Variants in TDRD7 observed in about 807,000 individuals in gnomAD.
The protein encoded by TDRD7 is tudor domain-containing protein 7.
Under a neutral mutation model 109.8 loss-of-function variants are expected in TDRD7, and 47 were observed. The observed-to-expected ratio is 0.43, with a 90% CI of 0.34 to 0.55. The LOEUF (loss-of-function observed/expected upper bound fraction) is 0.55, where lower values mean the gene tolerates loss of function less well. Among genes scored for constraint, TDRD7 ranks in the 20% least tolerant of loss-of-function variants. The pLI is 0.03. For missense variants in TDRD7, 1,164 were observed against 1,319.2 expected, an observed-to-expected ratio of 0.88 and a Z score of 1.82; for synonymous variants, 424 against 457.3, an observed-to-expected ratio of 0.93 and a Z score of 0.93.
chr9:97,461,104 G>A (rs994007685), intron 7 of TDRD7, among the ~76,000 whole-genome samples: 2 of 150,848 alleles, frequency 1.3e-5, no homozygotes, highest in Non-Finnish European at 2.9e-5. Context: ...TTGTGCCACT[G>A]CACTCCAGCC....
intron 5 of TDRD7, among the ~76,000 whole-genome samples, chr9:97,439,610 T>A (rs1207295470): frequency 6.6e-6 from 1 of 152,162 alleles, no homozygotes; most frequent in African/African-American, 2.4e-5. Context: ...CTCTCACCTC[T>A]TAGGGGGTGC....
At chr9:97,424,313 C>A (rs1384736296) in intron 1 of TDRD7, among the ~76,000 whole-genome samples, 1 of 152,056 alleles carries the variant, frequency 6.6e-6, no homozygotes, top group Non-Finnish European at 1.5e-5. Context: ...ACCTCGGCCT[C>A]CCAAAGTGCT....
At position 97,480,810 on chromosome 9, in the gene TDRD7, A is replaced by G. The variant is rs761342799; in HGVS notation, c.2302-18A>G. 8 of 1,598,162 alleles carry G rather than the reference A, an allele frequency of 5.0e-6. No homozygotes were observed. The highest frequency in any genetic ancestry group is 6.9e-6 in the Non-Finnish European group (8 of 1,165,466). On this transcript the variant is annotated intron_variant, in intron 13 of 16. Transcript: ENST00000355295. ...TTTAACATGGTGTGTTCACTTTTCCATCATATTTTCTTTTCAGGCCATTAA... is the reference window on the plus strand; with the variant it reads ...TTTAACATGGTGTGTTCACTTTTCCGTCATATTTTCTTTTCAGGCCATTAA...
At chr9:97,424,134 A>G (rs112412849) in intron 1 of TDRD7, among the ~76,000 whole-genome samples, 6 of 136,798 alleles carry the variant, frequency 4.4e-5, no homozygotes, top group African/African-American at 1.7e-4. Flanking sequence ...GCTCACTGCA[A>G]CCTCCACCGC....
chr9:97,465,481 C>T (rs1828808465), intron 8 of TDRD7, among the ~76,000 whole-genome samples: 2 of 152,218 alleles, frequency 1.3e-5, no homozygotes. Flanking sequence ...TCTCCACCCT[C>T]TTGAAAAGGC....
chr9:97,417,274 C>G (rs187766310), intron 1 of TDRD7, among the ~76,000 whole-genome samples: 1 of 152,172 alleles, frequency 6.6e-6, no homozygotes, highest in African/African-American at 2.4e-5. Flanking sequence ...ATGCAGGGCC[C>G]TTTTTGGCTC....
At chr9:97,469,832 C>T (rs1378131102) in intron 8 of TDRD7, among the ~76,000 whole-genome samples, 1 of 152,144 alleles carries the variant, frequency 6.6e-6, no homozygotes, top group Non-Finnish European at 1.5e-5. Context: ...AGGCTCTTAA[C>T]AGTCTGTGCT....
intron 7 of TDRD7, among the ~76,000 whole-genome samples, chr9:97,462,263 G>A (rs1564207000): frequency 6.6e-6 from 1 of 152,154 alleles, no homozygotes; most frequent in African/African-American, 2.4e-5. Flanking sequence ...CAATCACATG[G>A]TTTCTGTTGT....
Position 97,442,819 on chromosome 9 carries a change from G to C in TDRD7, c.855+944G>C, listed in dbSNP as rs185911948. On this transcript the variant is annotated intron_variant, in intron 6 of 16. Coordinates refer to ENST00000355295, the MANE Select transcript of TDRD7 (RefSeq NM_014290.3). Reference sequence around the variant, plus strand: ...TTTTTTTTTTTCTTTTTTTGAGACGGAGTTTCACTTTTTGTCACCCAGGCT... The same window carrying C: ...TTTTTTTTTTTCTTTTTTTGAGACGCAGTTTCACTTTTTGTCACCCAGGCT... 4.0e-5 allele frequency among the ~76,000 whole-genome samples: 6 copies of C among 150,162 alleles called. No homozygotes were observed. In the South Asian group the frequency reaches 1.1e-3, roughly 26 times the overall value.
At position 97,432,012 on chromosome 9, in the gene TDRD7, C is replaced by T; in HGVS notation, c.350-13C>T. 6.2e-7 allele frequency: 1 copy of T among 1,612,888 alleles called. No homozygotes were observed. Among genetic ancestry groups the T allele is most frequent in the South Asian group, 1.1e-5 (1 of 91,044 alleles). ...ATGCTAATTGATTTCGTTATGTATGCCTAACTTCATAGGAAAACCAAAAGC... is the reference window on the plus strand; with the variant it reads ...ATGCTAATTGATTTCGTTATGTATGTCTAACTTCATAGGAAAACCAAAAGC... On this transcript the variant is annotated splice_polypyrimidine_tract_variant and intron_variant, in intron 3 of 16. Transcript: ENST00000355295.
chr9:97,426,622 A>G (rs1827999496), intron 1 of TDRD7, among the ~76,000 whole-genome samples: 1 of 152,184 alleles, frequency 6.6e-6, no homozygotes, highest in Non-Finnish European at 1.5e-5. Context: ...TGGCCTATAC[A>G]AGGCCAGGAT....
chr9:97,415,737 G>A (rs773682039), intron 1 of TDRD7, among the ~76,000 whole-genome samples: 18 of 152,192 alleles, frequency 1.2e-4, no homozygotes, highest in South Asian at 4.1e-4. Flanking sequence ...AGGTTGCAGT[G>A]AGCCAAGATT....
chr9:97,491,132 G>A (rs1829302623), intron 16 of TDRD7, among the ~76,000 whole-genome samples: 1 of 151,970 alleles, frequency 6.6e-6, no homozygotes, highest in Non-Finnish European at 1.5e-5. Flanking sequence ...TGGCCAGACT[G>A]GTCTCGAACT....
chr9:97,449,715 C>G (rs922558365), intron 6 of TDRD7, among the ~76,000 whole-genome samples: 15 of 152,170 alleles, frequency 9.9e-5, no homozygotes, highest in African/African-American at 3.6e-4. Context: ...AGTGCCTCTT[C>G]CCTCCCGGCA....
chr9:97,468,906 C>G (rs1404993767), intron 8 of TDRD7, among the ~76,000 whole-genome samples: 1 of 152,164 alleles, frequency 6.6e-6, no homozygotes, highest in Non-Finnish European at 1.5e-5. Flanking sequence ...GGACACAGAG[C>G]AGAGTGTGGT....
intron 4 of TDRD7, among the ~76,000 whole-genome samples, chr9:97,436,187 C>T (rs1237317567): frequency 6.6e-6 from 1 of 152,074 alleles, no homozygotes; most frequent in African/African-American, 2.4e-5. Context: ...TTAAATTGTT[C>T]TCTAAACAGA....
At chr9:97,441,172 A>G (rs1027783492) in intron 5 of TDRD7, among the ~76,000 whole-genome samples, 1 of 152,182 alleles carries the variant, frequency 6.6e-6, no homozygotes, top group Non-Finnish European at 1.5e-5. Flanking sequence ...TGATCATAAT[A>G]TTCAAACTCA....
At chr9:97,463,681 GT>G (rs1828769901) in intron 7 of TDRD7, among the ~76,000 whole-genome samples, 1 of 152,182 alleles carries the variant, frequency 6.6e-6, no homozygotes, top group South Asian at 2.1e-4. Context: ...GATATGCCAG[GT>G]TTTACACCCT....
intron 2 of TDRD7, among the ~76,000 whole-genome samples, chr9:97,430,230 T>A (rs1828077288): frequency 6.6e-6 from 1 of 152,212 alleles, no homozygotes; most frequent in South Asian, 2.1e-4. Flanking sequence ...GATACAGAGC[T>A]GAGCTACAGT....
Sources: allele counts gnomAD v4.1 joint callset (sites outside exome capture counted in the v4.1 genomes callset), GRCh38; gene constraint gnomAD v4.1.1; transcripts MANE v1.5; gene names NCBI Gene and HGNC (gene_info 2026-07-23, HGNC 2026-07-21).